GRIK1: variants seen among roughly 807,000 people sequenced by gnomAD.
The protein encoded by GRIK1 is glutamate ionotropic receptor kainate type subunit 1, also known as glutamate receptor ionotropic, kainate 1.
In GRIK1, 69 loss-of-function variants were observed where a neutral mutation model predicts 105.7. The observed-to-expected ratio is 0.65, with a 90% CI of 0.54 to 0.80. The LOEUF (loss-of-function observed/expected upper bound fraction) is 0.80. GRIK1 is among the 30% of genes least tolerant of loss of function. The pLI, the probability that GRIK1 is intolerant of heterozygous loss-of-function variation, is 0.00. For missense variants in GRIK1, 1,109 were observed against 1,167.3 expected (o/e 0.95, Z 0.73); for synonymous variants, 438 against 431.3 (o/e 1.02, Z -0.19).
intron 1 of GRIK1, among the ~76,000 whole-genome samples, chr21:29,870,097 A>T (rs974769185): frequency 6.6e-6 from 1 of 152,194 alleles, no homozygotes; most frequent in Non-Finnish European, 1.5e-5. Flanking sequence ...CTCATTGTTT[A>T]TCTGAAATTC....
intron 7 of GRIK1, among the ~76,000 whole-genome samples, chr21:29,605,708 C>T (rs759075993): frequency 4.6e-5 from 7 of 152,058 alleles, no homozygotes; most frequent in South Asian, 2.1e-4. Flanking sequence ...CCCTTTTTCT[C>T]GGCAACCTCG....
chr21:29,560,366 TTCCTTCCTTC>T (rs2090396494), intron 15 of GRIK1, among the ~76,000 whole-genome samples: 1 of 25,698 alleles, frequency 3.9e-5, no homozygotes, highest in African/African-American at 1.5e-4. Flanking sequence ...TTTTTCTTTC[TTCCTTCCTTC>T]CTTCCTTCCT....
At chr21:29,581,300 C>T in intron 13 of GRIK1, 125 bp downstream of exon 13, 2 of 677,858 alleles carry the variant, frequency 3.0e-6, no homozygotes, top group Non-Finnish European at 5.3e-6. Flanking sequence ...AAGTCCGTTG[C>T]TATTTTCTTA....
chr21:29,756,030 A>G (rs1225133304), intron 1 of GRIK1, among the ~76,000 whole-genome samples: 1 of 152,234 alleles, frequency 6.6e-6, no homozygotes, highest in African/African-American at 2.4e-5. Context: ...TTTTTGAGTT[A>G]TTTAAGTGGA....
At chr21:29,590,363 T>G (rs891396667) in intron 10 of GRIK1, among the ~76,000 whole-genome samples, 8 of 152,316 alleles carry the variant, frequency 5.3e-5, no homozygotes, top group African/African-American at 1.7e-4. Context: ...CAGGGAAGGC[T>G]ACTCCTGCCC....
chr21:29,777,888 A>C (rs2065991067), intron 1 of GRIK1, among the ~76,000 whole-genome samples: 1 of 152,206 alleles, frequency 6.6e-6, no homozygotes, highest in African/African-American at 2.4e-5. Context: ...GGAAGAGTCA[A>C]GGATGATACC....
At chr21:29,780,787 G>T (rs746257340) in intron 1 of GRIK1, among the ~76,000 whole-genome samples, 1 of 152,080 alleles carries the variant, frequency 6.6e-6, no homozygotes, top group African/African-American at 2.4e-5. Flanking sequence ...TCAATATTTT[G>T]TAACTAAATC....
chr21:29,644,459 G>A (rs554438864), intron 6 of GRIK1, among the ~76,000 whole-genome samples: 1 of 152,168 alleles, frequency 6.6e-6, no homozygotes, highest in Non-Finnish European at 1.5e-5. Flanking sequence ...ATTTATTTTT[G>A]TGAGAACTGT....
chr21:29,820,482 C>T (rs998139949), intron 1 of GRIK1, among the ~76,000 whole-genome samples: 7 of 151,862 alleles, frequency 4.6e-5, no homozygotes, highest in East Asian at 1.9e-4. Flanking sequence ...TGTAAAGATA[C>T]GCTGGCAAAA....
At chr21:29,838,426 A>C (rs2067872218) in intron 1 of GRIK1, among the ~76,000 whole-genome samples, 1 of 152,196 alleles carries the variant, frequency 6.6e-6, no homozygotes, top group African/African-American at 2.4e-5. Flanking sequence ...AAAAAAACTC[A>C]AAAGGTGAAA....
intron 7 of GRIK1, among the ~76,000 whole-genome samples, chr21:29,605,650 C>G (rs981305088): frequency 4.6e-5 from 7 of 152,092 alleles, no homozygotes; most frequent in African/African-American, 1.7e-4. Context: ...ATAGTGTTTT[C>G]CACAATGGAT....
intron 1 of GRIK1, among the ~76,000 whole-genome samples, chr21:29,791,017 A>C (rs1054575526): frequency 6.6e-6 from 1 of 152,136 alleles, no homozygotes; most frequent in African/African-American, 2.4e-5. Flanking sequence ...TGAGTAGGTG[A>C]CACTGATGCT....
At chr21:29,556,582 A>C (rs1465534151) in intron 15 of GRIK1, among the ~76,000 whole-genome samples, 1 of 152,138 alleles carries the variant, frequency 6.6e-6, no homozygotes, top group African/African-American at 2.4e-5. Context: ...AGGGGGAGTA[A>C]CTAGACATTT....
intron 1 of GRIK1, among the ~76,000 whole-genome samples, chr21:29,908,764 G>T (rs1046277475): frequency 6.6e-6 from 1 of 152,078 alleles, no homozygotes; most frequent in Non-Finnish European, 1.5e-5. Flanking sequence ...ATTACAACTC[G>T]ATTTTTCCAT....
Position 29,788,363 on chromosome 21 carries a change from G to A in GRIK1, c.119-94300C>T, listed in dbSNP as rs185227238. Among the ~76,000 whole-genome samples the A allele has an allele frequency of 3.9e-5, 6 of 152,268 alleles. No homozygotes were observed. The East Asian group carries it at 9.7e-4, about 25-fold the overall frequency. On this transcript the variant is annotated intron_variant, in intron 1 of 17. Transcript: ENST00000327783. ...ATCTGGGAGAAAGCATTCAGGCAGAGGATGAGCAAGCCCAGAAGTCTTTGA... is the reference window on the plus strand; with the variant it reads ...ATCTGGGAGAAAGCATTCAGGCAGAAGATGAGCAAGCCCAGAAGTCTTTGA...
intron 4 of GRIK1, among the ~76,000 whole-genome samples, chr21:29,662,984 T>A (rs1379355744): frequency 6.6e-6 from 1 of 152,198 alleles, no homozygotes; most frequent in Non-Finnish European, 1.5e-5. Context: ...AAGCTCATAT[T>A]TTTAAGCTAC....
chr21:29,626,038 C>G (rs781068377), intron 7 of GRIK1, among the ~76,000 whole-genome samples: 1 of 152,068 alleles, frequency 6.6e-6, no homozygotes, highest in Non-Finnish European at 1.5e-5. Flanking sequence ...AAAAATAGGG[C>G]CCTAATCCAA....
chr21:29,686,955 C>T (rs1303653136), intron 3 of GRIK1, among the ~76,000 whole-genome samples: 1 of 152,116 alleles, frequency 6.6e-6, no homozygotes, highest in African/African-American at 2.4e-5. Flanking sequence ...CCTGGGGTCA[C>T]CTCTGGATGT....
intron 1 of GRIK1, among the ~76,000 whole-genome samples, chr21:29,899,827 G>A (rs780904793): frequency 2.6e-5 from 4 of 152,078 alleles, no homozygotes; most frequent in African/African-American, 7.2e-5. Context: ...GACAGAAATC[G>A]TCAGGTCATG....
Sources: gnomAD v4.1 joint callset for allele counts (sites outside exome capture counted in the v4.1 genomes callset) on GRCh38, gnomAD v4.1.1 for gene constraint, MANE v1.5 for transcripts, NCBI Gene and HGNC (gene_info 2026-07-23, HGNC 2026-07-21) for gene names.